Variants in CSMD2 observed in about 807,000 individuals in gnomAD.
CSMD2 encodes the protein CUB and sushi domain-containing protein 2.
In CSMD2, 130 loss-of-function variants were observed where a neutral mutation model predicts 398.5. That is an observed-to-expected ratio of 0.33 (90% CI 0.28 to 0.38). CSMD2 has a LOEUF of 0.38. Ranked by LOEUF, CSMD2 falls within the 10% of genes least tolerant of loss-of-function variation. The pLI, the probability that CSMD2 is intolerant of heterozygous loss-of-function variation, is 1.00. For missense variants in CSMD2, 3,829 were observed against 4,764.9 expected (o/e 0.80, Z 5.78); for synonymous variants, 1,828 against 1,908.5 (o/e 0.96, Z 1.10).
intron 10 of CSMD2, among the ~76,000 whole-genome samples, chr1:33,794,204 A>G (rs1260079748): frequency 3.3e-5 from 5 of 152,184 alleles, no homozygotes; most frequent in African/African-American, 1.2e-4. Flanking sequence ...GCAAACTGAC[A>G]CTGCCCTCAT....
intron 3 of CSMD2, among the ~76,000 whole-genome samples, chr1:33,993,808 C>T (rs758861448): frequency 1.3e-5 from 2 of 152,118 alleles, no homozygotes; most frequent in African/African-American, 4.8e-5. Context: ...CTCCTAGACC[C>T]CCTTGGAAAT....
chr1:33,606,939 G>A (rs906206270), intron 41 of CSMD2, among the ~76,000 whole-genome samples: 1 of 152,190 alleles, frequency 6.6e-6, no homozygotes, highest in Non-Finnish European at 1.5e-5. Context: ...ACCCTAAGAG[G>A]AGGAAGGATG....
intron 2 of CSMD2, among the ~76,000 whole-genome samples, chr1:34,042,819 G>A (rs79369678): frequency 0.057 from 8,643 of 152,036 alleles, 363 homozygotes; most frequent in East Asian, 0.19. Context: ...AAGGAGTCTC[G>A]CTCTGTGGCC....
At chr1:33,740,263 A>G (rs1647013927) in intron 14 of CSMD2, among the ~76,000 whole-genome samples, 1 of 151,556 alleles carries the variant, frequency 6.6e-6, no homozygotes, top group Non-Finnish European at 1.5e-5. Context: ...GGGGCATCAC[A>G]GTTCTCTTAC....
At position 33,726,582 on chromosome 1, in the gene CSMD2, G is replaced by C. The variant is rs767285529; in HGVS notation, c.2472C>G (p.Ala824=). Residue 824 remains alanine, a synonymous_variant, in exon 16 of 71, where the codon GCC becomes GCG. Coordinates refer to ENST00000373381, the MANE Select transcript of CSMD2 (RefSeq NM_001281956.2). ...DALSCAWVIE[A]QPGYPIKITF... is the part of the protein sequence containing the mutation. ...TGATTTTGATGGGGTAGCCTGGCTGGGCCTCAATCACCCAGGCACAGCTCA... is the reference window on the plus strand; with the variant it reads ...TGATTTTGATGGGGTAGCCTGGCTGCGCCTCAATCACCCAGGCACAGCTCA... The C allele has an allele frequency of 2.5e-6, 4 of 1,613,008 alleles. No homozygotes were observed. The highest frequency in any genetic ancestry group is 3.4e-6 in the Non-Finnish European group (4 of 1,179,368).
At chr1:33,544,147 C>T (rs2148606173) in intron 57 of CSMD2, among the ~76,000 whole-genome samples, 1 of 149,812 alleles carries the variant, frequency 6.7e-6, no homozygotes, top group South Asian at 2.1e-4. Flanking sequence ...CGCTCTTTCG[C>T]CCAGGCTGAA....
At chr1:33,958,651 C>A (rs1471042966) in intron 3 of CSMD2, among the ~76,000 whole-genome samples, 1 of 152,160 alleles carries the variant, frequency 6.6e-6, no homozygotes. Context: ...AAGAAGGAAG[C>A]CATCCTGATT....
At chr1:34,028,865 G>A (rs546016159) in intron 3 of CSMD2, among the ~76,000 whole-genome samples, 1 of 152,340 alleles carries the variant, frequency 6.6e-6, no homozygotes, top group South Asian at 2.1e-4. Flanking sequence ...GTCATCTCAG[G>A]GTTTGACTAC....
intron 6 of CSMD2, among the ~76,000 whole-genome samples, chr1:33,845,409 T>A (rs1661258038): frequency 6.6e-6 from 1 of 152,252 alleles, no homozygotes; most frequent in Non-Finnish European, 1.5e-5. Flanking sequence ...CGATGTGTGA[T>A]CTGGAGACTG....
chr1:34,098,948 G>A (rs1034490328), intron 1 of CSMD2, among the ~76,000 whole-genome samples: 8 of 152,240 alleles, frequency 5.3e-5, no homozygotes, highest in South Asian at 4.2e-4. Context: ...AAAATGTTAG[G>A]AGAAAAGTAA....
chr1:34,049,580 G>A (rs1652942744), intron 2 of CSMD2, among the ~76,000 whole-genome samples: 1 of 152,056 alleles, frequency 6.6e-6, no homozygotes, highest in Admixed American at 6.5e-5. Flanking sequence ...TGTAAAACAG[G>A]GACTTGCTCA....
intron 5 of CSMD2, among the ~76,000 whole-genome samples, chr1:33,899,251 A>G (rs911406119): frequency 7.9e-5 from 12 of 152,234 alleles, no homozygotes; most frequent in African/African-American, 2.7e-4. Flanking sequence ...CTATCTGTGA[A>G]GCCAGCCCAC....
intron 25 of CSMD2, among the ~76,000 whole-genome samples, chr1:33,684,966 GA>G (rs1557728120): frequency 1.3e-5 from 2 of 152,164 alleles, no homozygotes; most frequent in Admixed American, 1.3e-4. Flanking sequence ...CTCTACTATT[GA>G]GGCTCTAAAA....
chr1:33,763,586 G>A (rs931207327), intron 13 of CSMD2, among the ~76,000 whole-genome samples: 3 of 152,136 alleles, frequency 2.0e-5, no homozygotes, highest in African/African-American at 7.2e-5. Flanking sequence ...GCCTGGCAGG[G>A]AAAGTGTTGA....
At chr1:34,162,634 G>A (rs1007907528) in intron 1 of CSMD2, among the ~76,000 whole-genome samples, 2 of 151,972 alleles carry the variant, frequency 1.3e-5, no homozygotes, top group Non-Finnish European at 2.9e-5. Context: ...AGAGGCAGGC[G>A]GATCACCTGA....
In CSMD2 at chr1:33,636,399, C is replaced by A. The variant is rs780051521; in HGVS notation, c.4930G>T (p.Gly1644Trp). Residue 1644 changes from glycine to tryptophan, a missense_variant, in exon 30 of 71, where the codon GGG becomes TGG. Gly to Trp is a radical substitution (Grantham distance 184). Around this residue, in one of 5 missense-constraint regions of CSMD2, gnomAD observed 2,001 missense variants for 2,567.1 expected, o/e 0.78. Coordinates refer to ENST00000373381, the MANE Select transcript of CSMD2 (RefSeq NM_001281956.2). This position sits in a 1 kb window ranked among gnomAD's most constrained non-coding sequence, Gnocchi z 4.8. ...CGGGGATTGTTCCACACGGGCTTCC[C>A]ATCAGGCCCCAGGATGCAGCTCAGG... is the stretch of plus-strand genomic sequence containing the variant. ...STLSCILGPD[G>W]KPVWNNPRPV... 1 of 1,613,642 alleles carries A rather than the reference C, an allele frequency of 6.2e-7. No homozygotes were observed. The highest frequency in any genetic ancestry group is 8.5e-7 in the Non-Finnish European group (1 of 1,179,790).
chr1:34,010,618 C>CT (rs905772334), intron 3 of CSMD2, among the ~76,000 whole-genome samples: 10 of 149,834 alleles, frequency 6.7e-5, no homozygotes, highest in African/African-American at 1.5e-4. Flanking sequence ...TTTTTTTTTT[C>CT]TTTTTTTTCT....
intron 3 of CSMD2, among the ~76,000 whole-genome samples, chr1:34,013,168 G>A (rs907582971): frequency 3.3e-5 from 5 of 152,204 alleles, no homozygotes; most frequent in African/African-American, 7.2e-5. Flanking sequence ...GAAAGCAGAC[G>A]TTGCAGTTTC....
Position 33,725,212 on chromosome 1 carries a change from T to C in CSMD2, c.2695+137A>G, listed in dbSNP as rs536432927. On this transcript the variant is annotated intron_variant, in intron 17 of 70. Transcript: ENST00000373381. ...GCAACAGAGTGCCTTCCCCAGGGCC[T>C]TCTGAAGGGCACAGCCTAGCCAAGA... The C allele has an allele frequency of 4.1e-5, 29 of 700,286 alleles. No individual in the cohort carries two copies. In the Middle Eastern group the frequency reaches 1.3e-3, roughly 30 times the overall value. The allele number at this position is 700,286 out of a possible 1,614,324, so 43.4% of individuals were successfully genotyped here.
Sources: allele counts gnomAD v4.1 joint callset (sites outside exome capture counted in the v4.1 genomes callset), GRCh38; gene constraint gnomAD v4.1.1; regional missense constraint gnomAD v4.1.1; non-coding constraint Gnocchi (gnomAD v3.1); transcripts MANE v1.5; gene names NCBI Gene and HGNC (gene_info 2026-07-23, HGNC 2026-07-21).